Variants in NLGN4Y observed in about 807,000 individuals in gnomAD.
NLGN4Y encodes the protein neuroligin-4, Y-linked.
In NLGN4Y, 4 loss-of-function variants were observed where a neutral mutation model predicts 8.4. That is an observed-to-expected ratio of 0.48 (90% CI 0.23 to 1.09). The LOEUF is 1.09. NLGN4Y is among the 50% of genes least tolerant of loss of function. The pLI is 0.19. For missense variants in NLGN4Y, 90 were observed against 192.3 expected, an observed-to-expected ratio of 0.47 and a Z score of 3.15; for synonymous variants, 35 against 75.6, an observed-to-expected ratio of 0.46 and a Z score of 2.78.
At chrY:14,679,105 T>C in intron 2 of NLGN4Y, among the ~76,000 whole-genome samples, 1 of 33,093 alleles carries the variant, frequency 3.0e-5, no homozygotes, top group Non-Finnish European at 7.5e-5. Context: ...CCTCAGCCTC[T>C]GGAGTATCTG....
intron 1 of NLGN4Y, among the ~76,000 whole-genome samples, chrY:14,549,778 G>A: frequency 3.9e-5 from 1 of 25,460 alleles, no homozygotes; most frequent in African/African-American, 4.2e-4. Context: ...AGAGGGACAG[G>A]ATGGAGGCTA....
intron 4 of NLGN4Y, among the ~76,000 whole-genome samples, chrY:14,808,056 G>GT (rs2043063782): frequency 1.2e-4 from 4 of 32,333 alleles, no homozygotes; most frequent in Non-Finnish European, 3.0e-4. Flanking sequence ...TTGAGATGGA[G>GT]TTTTTTTTTC....
chrY:14,540,710 T>C (rs2080146875), intron 1 of NLGN4Y, among the ~76,000 whole-genome samples: 1 of 33,343 alleles, frequency 3.0e-5, no homozygotes, highest in Non-Finnish European at 7.4e-5. Context: ...TGGAGCAATC[T>C]CCAGCAGAAC....
rs2043043194 is a variant in NLGN4Y, at chrY:14,803,047, AAATAT to A, written c.686-21130_686-21126del. Among the ~76,000 whole-genome samples, 6 of 23,117 alleles carry A rather than the reference AAATAT, an allele frequency of 2.6e-4. No individual in the cohort carries two copies. In the South Asian group the frequency reaches 4.9e-3, roughly 19 times the overall value. The allele number at this position is 23,117 out of a possible 37,273, so 62.0% of individuals were successfully genotyped here. Reference sequence around the variant, plus strand: ...TTTTACATATAATATATTATATATAAAATATAATATAATATGTATTGTATATATTT... The same window carrying A: ...TTTTACATATAATATATTATATATAAAATATAATATGTATTGTATATATTT... On this transcript the variant is annotated intron_variant, in intron 4 of 6. Coordinates refer to ENST00000684976, the MANE Select transcript of NLGN4Y (RefSeq NM_001365588.1).
intron 2 of NLGN4Y, among the ~76,000 whole-genome samples, chrY:14,636,211 C>A: frequency 1.5e-4 from 5 of 33,322 alleles, no homozygotes; most frequent in African/African-American, 3.5e-4. Context: ...GGAATTTCAT[C>A]CAAATTTATT....
intron 1 of NLGN4Y, among the ~76,000 whole-genome samples, chrY:14,600,471 C>G: frequency 3.2e-5 from 1 of 31,438 alleles, no homozygotes; most frequent in African/African-American, 1.2e-4. Context: ...TATATATACA[C>G]AGCAGGTTAG....
intron 1 of NLGN4Y, among the ~76,000 whole-genome samples, chrY:14,571,390 A>G (rs2080269309): frequency 5.9e-5 from 2 of 33,808 alleles, no homozygotes; most frequent in African/African-American, 2.3e-4. Flanking sequence ...TGGCATAAAT[A>G]TCTTCTTTTG....
rs781776948 is a variant in NLGN4Y at position 14,674,082 on chromosome Y, G to A, written c.473-45377G>A. On this transcript the variant is annotated intron_variant, in intron 2 of 6. Coordinates refer to ENST00000684976, the MANE Select transcript of NLGN4Y (RefSeq NM_001365588.1). The stretch of plus-strand genomic sequence containing the variant: ...GATAGCATTGGGAGATATACCTAAT[G>A]CTAGATGAGGAGTTAGTGGGTGCAG... 6.4e-4 allele frequency among the ~76,000 whole-genome samples: 20 copies of A among 31,087 alleles called. No homozygotes were observed. The South Asian group carries it at 0.015, about 23-fold the overall frequency. The allele number at this position is 31,087 out of a possible 37,273, so 83.4% of individuals were successfully genotyped here.
chrY:14,547,329 AG>A (rs2080176520), intron 1 of NLGN4Y, among the ~76,000 whole-genome samples: 1 of 33,641 alleles, frequency 3.0e-5, no homozygotes, highest in African/African-American at 1.2e-4. Context: ...GGAGGCTAAA[AG>A]GGAGTCTAAT....
intron 2 of NLGN4Y, among the ~76,000 whole-genome samples, chrY:14,659,107 T>C (rs917780763): frequency 6.0e-4 from 20 of 33,152 alleles, no homozygotes; most frequent in African/African-American, 2.2e-3. Context: ...GCAAGATACA[T>C]TAGGTGTGGG....
At chrY:14,812,672 C>T (rs2043086380) in intron 4 of NLGN4Y, among the ~76,000 whole-genome samples, 1 of 32,583 alleles carries the variant, frequency 3.1e-5, no homozygotes, top group Non-Finnish European at 7.5e-5. Context: ...GAAGAGCACT[C>T]ATCTTTGATA....
intron 4 of NLGN4Y, among the ~76,000 whole-genome samples, chrY:14,752,435 G>GAATT (rs2081044418): frequency 3.0e-5 from 1 of 33,092 alleles, no homozygotes; most frequent in Non-Finnish European, 7.4e-5. Flanking sequence ...ATAATGAATT[G>GAATT]AATTAATTAA....
intron 1 of NLGN4Y, among the ~76,000 whole-genome samples, chrY:14,567,524 A>AT (rs373187815): frequency 0.012 from 264 of 21,650 alleles, no homozygotes; most frequent in Non-Finnish European, 0.02. Context: ...CCACGCCCAG[A>AT]TTTTTTTTTT....
At chrY:14,634,517 A>T (rs2080558855) in intron 2 of NLGN4Y, among the ~76,000 whole-genome samples, 1 of 33,442 alleles carries the variant, frequency 3.0e-5, no homozygotes, top group African/African-American at 1.2e-4. Context: ...AGGCTAGGAG[A>T]TCAAGGCTGC....
intron 2 of NLGN4Y, among the ~76,000 whole-genome samples, chrY:14,671,589 A>C: frequency 3.2e-5 from 1 of 31,452 alleles, no homozygotes; most frequent in Non-Finnish European, 7.7e-5. Context: ...GGTCACACCT[A>C]TAATCCCAGC....
chrY:14,842,038 A>C lies in NLGN4Y; in HGVS notation c.*776A>C. 8.3e-6 allele frequency: 1 copy of C among 119,971 alleles called. No individual in the cohort carries two copies. The highest frequency in any genetic ancestry group is 9.6e-5 in the African/African-American group (1 of 10,412). 29.9% of individuals were successfully genotyped at this position (119,971 alleles called of 400,897 possible). On this transcript the variant is annotated 3_prime_UTR_variant, in exon 7 of 7. Transcript: ENST00000684976. ...ACAGCAAAAGAGGCTTTTCTTCTTA[A>C]TTACATGTAAACAAAGACATGGGAT... is the stretch of plus-strand genomic sequence containing the variant.
chrY:14,796,571 TA>T (rs758060220), intron 4 of NLGN4Y, among the ~76,000 whole-genome samples: 5 of 12,001 alleles, frequency 4.2e-4, no homozygotes, highest in African/African-American at 9.8e-4. Flanking sequence ...AGGCTCCATC[TA>T]AAAAAAAAAA....
At chrY:14,622,673 T>C (rs2080515566) in intron 2 of NLGN4Y, 82 bp downstream of exon 2, 2 of 219,454 alleles carry the variant, frequency 9.1e-6, no homozygotes, top group Non-Finnish European at 1.6e-5. Context: ...ATAATGTCTC[T>C]TGCATGATCT....
intron 4 of NLGN4Y, chrY:14,804,028 C>T: frequency 3.0e-5 from 1 of 33,697 alleles, no homozygotes; most frequent in Non-Finnish European, 7.3e-5. Flanking sequence ...CAACTTGCTC[C>T]TGGATGACTG....
Sources: gnomAD v4.1 joint callset for allele counts (sites outside exome capture counted in the v4.1 genomes callset) on GRCh38, gnomAD v4.1.1 for gene constraint, MANE v1.5 for transcripts, NCBI Gene and HGNC (gene_info 2026-07-23, HGNC 2026-07-21) for gene names.